The following FBXL2 variants were observed in gnomAD, a reference collection of about 807,000 sequenced individuals.
FBXL2 encodes the protein F-box/LRR-repeat protein 2.
Under a neutral mutation model 69.2 loss-of-function variants are expected in FBXL2, and 38 were observed. The observed-to-expected ratio is 0.55, with a 90% CI of 0.42 to 0.72. The LOEUF is 0.72. Ranked by LOEUF, FBXL2 falls within the 30% of genes least tolerant of loss-of-function variation. FBXL2 has a pLI of 0.00. For missense variants in FBXL2, 354 were observed against 520.3 expected (o/e 0.68, Z 3.11); for synonymous variants, 192 against 201.3 (o/e 0.95, Z 0.39).
Position 33,283,881 on chromosome 3 carries a change from G to A in FBXL2, c.3+6366G>A, listed in dbSNP as rs142345849. ...CTGATGGTAGTTTGTATTTCTGTGC[G>A]ATCAGTGGTGATATTCCGTTTATGA... On this transcript the variant is annotated intron_variant, in intron 1 of 14. Coordinates refer to ENST00000484457, the MANE Select transcript of FBXL2 (RefSeq NM_012157.5). Among the ~76,000 whole-genome samples the A allele has an allele frequency of 7.9e-3, 1,200 of 152,290 alleles. 8 individuals carry two copies. The highest frequency in any genetic ancestry group is 0.034 in the Middle Eastern group (10 of 294).
Position 33,288,098 on chromosome 3 carries a change from G to T in FBXL2, c.4-9566G>T, listed in dbSNP as rs956267289. Among the ~76,000 whole-genome samples the T allele has an allele frequency of 2.0e-5, 3 of 152,344 alleles. No individual in the cohort carries two copies. The East Asian group carries it at 5.8e-4, about 29-fold the overall frequency. On this transcript the variant is annotated intron_variant, in intron 1 of 14. Transcript: ENST00000484457. ...AGCCACTTCCTCTTCCAGCACTAGG[G>T]TGGCCATGAGAGAGACAGGGATGGA...
chr3:33,399,449 A>G (rs771295211), intron 12 of FBXL2, among the ~76,000 whole-genome samples: 13 of 152,214 alleles, frequency 8.5e-5, no homozygotes, highest in Non-Finnish European at 1.9e-4. Context: ...GTAATTGAGT[A>G]CACTCAGACT....
downstream of FBXL2, chr3:33,391,471 A>G (rs531010250): frequency 6.6e-6 from 1 of 152,328 alleles, no homozygotes; most frequent in African/African-American, 2.4e-5. Flanking sequence ...GATATGCTGA[A>G]GGTTTCCAAA....
downstream of FBXL2, among the ~76,000 whole-genome samples, chr3:33,404,272 C>T (rs545504374): frequency 6.8e-4 from 104 of 152,010 alleles, no homozygotes; most frequent in Admixed American, 5.9e-3. Context: ...CTTAGCTGGG[C>T]GTAGTGGCGT....
At chr3:33,393,452 A>C in intron 12 of FBXL2, 1 of 1,591,660 alleles carries the variant, frequency 6.3e-7, no homozygotes, top group Non-Finnish European at 8.5e-7. Context: ...ATTGCATGAT[A>C]AACTGAAATT....
At chr3:33,305,025 T>C (rs2036594093) in intron 2 of FBXL2, among the ~76,000 whole-genome samples, 1 of 152,044 alleles carries the variant, frequency 6.6e-6, no homozygotes. Flanking sequence ...CTCAGTATAA[T>C]CTTTGTACTG....
chr3:33,345,595 A>G (rs2040371710), intron 2 of FBXL2, among the ~76,000 whole-genome samples: 1 of 152,202 alleles, frequency 6.6e-6, no homozygotes. Flanking sequence ...CAACAACAAA[A>G]TACACATTCC....
chr3:33,295,208 A>G (rs2035622126), intron 1 of FBXL2, among the ~76,000 whole-genome samples: 1 of 152,190 alleles, frequency 6.6e-6, no homozygotes. Context: ...TGTCTAATTC[A>G]AGAATTTTTT....
At chr3:33,294,307 G>A (rs2035540650) in intron 1 of FBXL2, among the ~76,000 whole-genome samples, 1 of 151,878 alleles carries the variant, frequency 6.6e-6, no homozygotes, top group Admixed American at 6.6e-5. Flanking sequence ...ATGTTGCCCA[G>A]GCTAGCCTTG....
intron 1 of FBXL2, among the ~76,000 whole-genome samples, chr3:33,282,416 T>C (rs924886294): frequency 4.6e-5 from 7 of 152,214 alleles, no homozygotes; most frequent in Non-Finnish European, 7.3e-5. Flanking sequence ...ATATCTGTTT[T>C]GGTACCAGTA....
chr3:33,409,569 C>A, the FBXL2 span: 1 of 1,614,190 alleles, frequency 6.2e-7, no homozygotes, highest in East Asian at 2.2e-5. Flanking sequence ...CTCCGTGCTT[C>A]CGTGGAGTAA....
chr3:33,416,988 C>T, the FBXL2 span, among the ~76,000 whole-genome samples: 1 of 152,252 alleles, frequency 6.6e-6, no homozygotes, highest in African/African-American at 2.4e-5. Flanking sequence ...CTTCTCTTCC[C>T]TGAAAATCAC....
chr3:33,382,665 A>C (rs1021229794), intron 13 of FBXL2: 3 of 152,206 alleles, frequency 2.0e-5, no homozygotes, highest in Non-Finnish European at 4.4e-5. Context: ...TTTGGTTAAC[A>C]CATGTATGCA....
chr3:33,422,685 A>T, the FBXL2 span, among the ~76,000 whole-genome samples: 4,614 of 145,278 alleles, frequency 0.032, 87 homozygotes, highest in Middle Eastern at 0.15. Flanking sequence ...TGATTGTACC[A>T]CTACACTCCA....
At chr3:33,288,523 T>C (rs1025321261) in intron 1 of FBXL2, among the ~76,000 whole-genome samples, 2 of 152,050 alleles carry the variant, frequency 1.3e-5, no homozygotes, top group African/African-American at 4.8e-5. Context: ...TAATGTAGAA[T>C]AGAAGGGAAG....
At chr3:33,283,064 G>T (rs1575583110) in intron 1 of FBXL2, among the ~76,000 whole-genome samples, 2 of 152,216 alleles carry the variant, frequency 1.3e-5, no homozygotes, top group African/African-American at 4.8e-5. Context: ...GATTGCCCTG[G>T]CCAGAACTTT....
intron 2 of FBXL2, among the ~76,000 whole-genome samples, chr3:33,352,484 T>G (rs1245820196): frequency 1.3e-5 from 2 of 152,188 alleles, no homozygotes; most frequent in Non-Finnish European, 2.9e-5. Flanking sequence ...ATTTAAAACA[T>G]CTTCTCTGAG....
At chr3:33,419,008 T>C in the FBXL2 span, among the ~76,000 whole-genome samples, 1 of 151,816 alleles carries the variant, frequency 6.6e-6, no homozygotes, top group African/African-American at 2.4e-5. Flanking sequence ...ATTAGAGAAA[T>C]GCAAATTAAA....
chr3:33,329,030 G>A (rs1161323557), intron 2 of FBXL2, among the ~76,000 whole-genome samples: 1 of 151,926 alleles, frequency 6.6e-6, no homozygotes, highest in Non-Finnish European at 1.5e-5. Context: ...AAACAATTCA[G>A]TAGCAAAACA....
Sources: gnomAD v4.1 joint callset for allele counts (sites outside exome capture counted in the v4.1 genomes callset) on GRCh38, gnomAD v4.1.1 for gene constraint, MANE v1.5 for transcripts, NCBI Gene and HGNC (gene_info 2026-07-23, HGNC 2026-07-21) for gene names.